DRC11: variants seen among roughly 807,000 people sequenced by gnomAD.
DRC11 encodes dynein regulatory complex subunit 11.
the DRC11 span, among the ~76,000 whole-genome samples, chr2:236,333,994 C>T: frequency 4.6e-5 from 7 of 152,126 alleles, no homozygotes; most frequent in African/African-American, 1.2e-4. This position sits in a 1 kb window ranked among gnomAD's most constrained non-coding sequence, Gnocchi z 6.0. Context: ...TTGGTGTTCA[C>T]GGAGAGTTTC....
At chr2:236,459,534 C>CGTATAT in the DRC11 span, among the ~76,000 whole-genome samples, 1 of 70,104 alleles carries the variant, frequency 1.4e-5, no homozygotes, top group Non-Finnish European at 3.1e-5. Context: ...TACATGTATA[C>CGTATAT]GTATACGTAT....
At chr2:236,376,022 G>A in the DRC11 span, among the ~76,000 whole-genome samples, 14 of 152,308 alleles carry the variant, frequency 9.2e-5, no homozygotes, top group African/African-American at 2.6e-4. This position sits in a 1 kb window ranked among gnomAD's most constrained non-coding sequence, Gnocchi z 5.7. Flanking sequence ...AGGGAAAGAT[G>A]ATGCTTTACA....
chr2:236,336,496 C>A, the DRC11 span, among the ~76,000 whole-genome samples: 3 of 151,954 alleles, frequency 2.0e-5, no homozygotes, highest in African/African-American at 7.3e-5. This position sits in a 1 kb window ranked among gnomAD's most constrained non-coding sequence, Gnocchi z 7.3. Flanking sequence ...ACCACTGGCA[C>A]CAGCACGTCT....
At chr2:236,405,726 C>T in the DRC11 span, among the ~76,000 whole-genome samples, 1 of 152,174 alleles carries the variant, frequency 6.6e-6, no homozygotes, top group Non-Finnish European at 1.5e-5. This position sits in a 1 kb window ranked among gnomAD's most constrained non-coding sequence, Gnocchi z 4.6. Flanking sequence ...TCCAAGACCC[C>T]AGTGCACACC....
At chr2:236,416,584 G>A in the DRC11 span, among the ~76,000 whole-genome samples, 12 of 151,218 alleles carry the variant, frequency 7.9e-5, no homozygotes, top group Admixed American at 6.6e-4. Flanking sequence ...GGAGGCAGAC[G>A]GAAGAACCAC....
the DRC11 span, among the ~76,000 whole-genome samples, chr2:236,458,971 G>A: frequency 6.6e-6 from 1 of 152,244 alleles, no homozygotes; most frequent in African/African-American, 2.4e-5. Flanking sequence ...CTTGAACCCA[G>A]GAGTTGGAGG....
At chr2:236,493,729 C>T in the DRC11 span, 2 of 1,503,144 alleles carry the variant, frequency 1.3e-6, no homozygotes, top group African/African-American at 2.8e-5. Flanking sequence ...GGAAGTTACA[C>T]AGATTATGGA....
chr2:236,470,423 C>T, the DRC11 span, among the ~76,000 whole-genome samples: 2 of 152,102 alleles, frequency 1.3e-5, no homozygotes, highest in African/African-American at 2.4e-5. The surrounding 1 kb of genome is among the most constrained non-coding windows in gnomAD (Gnocchi z 5.1). Flanking sequence ...ATGAGCACCA[C>T]GGCCCCCCTG....
At chr2:236,369,634 C>T in the DRC11 span, among the ~76,000 whole-genome samples, 2 of 152,192 alleles carry the variant, frequency 1.3e-5, no homozygotes, top group Non-Finnish European at 2.9e-5. The surrounding 1 kb of genome is among the most constrained non-coding windows in gnomAD (Gnocchi z 4.5). Flanking sequence ...CATAACAGAT[C>T]TTGTTTAAAC....
At chr2:236,473,690 G>A in the DRC11 span, among the ~76,000 whole-genome samples, 1 of 151,844 alleles carries the variant, frequency 6.6e-6, no homozygotes. This position sits in a 1 kb window ranked among gnomAD's most constrained non-coding sequence, Gnocchi z 4.8. Context: ...CATTGGCTCT[G>A]CCAATTAAAA....
chr2:236,341,753 T>G, the DRC11 span, among the ~76,000 whole-genome samples: 1 of 152,156 alleles, frequency 6.6e-6, no homozygotes, highest in Non-Finnish European at 1.5e-5. Flanking sequence ...GTGCTGTGTG[T>G]GGTGGGGAGA....
chr2:236,453,343 T>C, the DRC11 span, among the ~76,000 whole-genome samples: 1 of 152,232 alleles, frequency 6.6e-6, no homozygotes, highest in Admixed American at 6.5e-5. The surrounding 1 kb of genome is among the most constrained non-coding windows in gnomAD (Gnocchi z 4.9). Context: ...CTCCCAGCCT[T>C]ATTTGATCAA....
the DRC11 span, among the ~76,000 whole-genome samples, chr2:236,480,307 T>C: frequency 2.0e-5 from 3 of 152,158 alleles, no homozygotes; most frequent in East Asian, 1.9e-4. Flanking sequence ...TTTTCTGTTA[T>C]TATTTATTTG....
chr2:236,443,170 A>G, the DRC11 span, among the ~76,000 whole-genome samples: 9 of 152,346 alleles, frequency 5.9e-5, no homozygotes, highest in Non-Finnish European at 5.9e-5. This position sits in a 1 kb window ranked among gnomAD's most constrained non-coding sequence, Gnocchi z 4.4. Flanking sequence ...ATAAAATAAA[A>G]GTCGAAGGAA....
At chr2:236,507,155 G>T in the DRC11 span, 1 of 1,228,226 alleles carries the variant, frequency 8.1e-7, no homozygotes, top group African/African-American at 1.5e-5. Context: ...GAGAGGGGAG[G>T]AGAAAAGAAA....
At chr2:236,389,434 G>A in the DRC11 span, among the ~76,000 whole-genome samples, 5 of 152,224 alleles carry the variant, frequency 3.3e-5, no homozygotes, top group East Asian at 1.9e-4. Context: ...TCCAGGTGCC[G>A]TCCGTCACCC....
chr2:236,441,847 T>G, the DRC11 span, among the ~76,000 whole-genome samples: 1 of 152,234 alleles, frequency 6.6e-6, no homozygotes, highest in Admixed American at 6.5e-5. Flanking sequence ...TCCCAAACTT[T>G]TGGCCTCAGA....
chr2:236,396,309 G>GGGT, the DRC11 span, among the ~76,000 whole-genome samples: 2 of 115,332 alleles, frequency 1.7e-5, no homozygotes, highest in Non-Finnish European at 3.5e-5. Context: ...GGGCGGGGGG[G>GGGT]GGTTAATCTT....
the DRC11 span, chr2:236,408,059 C>A: frequency 1.7e-6 from 1 of 589,080 alleles, no homozygotes; most frequent in Non-Finnish European, 3.3e-6. The surrounding 1 kb of genome is among the most constrained non-coding windows in gnomAD (Gnocchi z 5.5). Context: ...TTGGTTCCCA[C>A]CACACATTCC....
Sources: gnomAD v4.1 joint callset for allele counts (sites outside exome capture counted in the v4.1 genomes callset) on GRCh38, gnomAD v4.1.1 for gene constraint, Gnocchi (gnomAD v3.1) non-coding constraint, MANE v1.5 for transcripts, NCBI Gene and HGNC (gene_info 2026-07-23, HGNC 2026-07-21) for gene names.